Variants in PEX7 observed in about 807,000 individuals in gnomAD.
The protein encoded by PEX7 is PTS2 receptor.
Under a neutral mutation model 47.5 loss-of-function variants are expected in PEX7, and 34 were observed. The ratio of observed to expected loss-of-function variants is 0.72; its 90% CI spans 0.54 to 0.95. PEX7 has a LOEUF of 0.95. Among genes scored for constraint, PEX7 ranks in the 40% least tolerant of loss-of-function variants. The pLI, the probability that PEX7 is intolerant of heterozygous loss-of-function variation, is 0.00. For missense variants in PEX7, 394 were observed against 400.3 expected, an observed-to-expected ratio of 0.98 and a Z score of 0.13; for synonymous variants, 141 against 148.8, an observed-to-expected ratio of 0.95 and a Z score of 0.38.
intron 5 of PEX7, among the ~76,000 whole-genome samples, chr6:136,854,512 T>C (rs562096218): frequency 6.6e-5 from 10 of 152,282 alleles, no homozygotes; most frequent in African/African-American, 2.4e-4. Context: ...GTATAAATGG[T>C]AATGAGTTTT....
intron 3 of PEX7, among the ~76,000 whole-genome samples, chr6:136,843,841 A>G (rs1180311515): frequency 6.6e-6 from 1 of 152,048 alleles, no homozygotes; most frequent in African/African-American, 2.4e-5. Flanking sequence ...TTGCGTGAAT[A>G]TGGGCAGAGG....
chr6:136,902,236 A>G (rs1002613990), intron 9 of PEX7, among the ~76,000 whole-genome samples: 3 of 152,110 alleles, frequency 2.0e-5, no homozygotes, highest in African/African-American at 7.2e-5. Flanking sequence ...ATCTGCTTTC[A>G]TATACCTATT....
At chr6:136,842,511 A>G (rs1774519898) in intron 3 of PEX7, among the ~76,000 whole-genome samples, 1 of 152,196 alleles carries the variant, frequency 6.6e-6, no homozygotes, top group African/African-American at 2.4e-5. Flanking sequence ...TTAGAAGGTG[A>G]GTAGTCATAA....
intron 8 of PEX7, among the ~76,000 whole-genome samples, chr6:136,897,084 C>T (rs1775665062): frequency 6.6e-6 from 1 of 152,192 alleles, no homozygotes; most frequent in Non-Finnish European, 1.5e-5. Context: ...GCTATTTACT[C>T]ATTGTTTCTT....
At chr6:136,856,291 T>TAAAAA (rs397759780) in intron 5 of PEX7, among the ~76,000 whole-genome samples, 16 of 70,580 alleles carry the variant, frequency 2.3e-4, no homozygotes, top group African/African-American at 4.7e-4. Flanking sequence ...TGGTTGAAAG[T>TAAAAA]AAAAAAAAAA....
At chr6:136,907,911 A>T (rs984380804) in intron 9 of PEX7, among the ~76,000 whole-genome samples, 29 of 152,268 alleles carry the variant, frequency 1.9e-4, no homozygotes, top group African/African-American at 6.3e-4. Flanking sequence ...ATTATTGAAG[A>T]TGTTCTATAA....
rs547165908 is a variant in PEX7, at chr6:136,879,071, G to A, written c.803+6818G>A. On this transcript the variant is annotated intron_variant, in intron 8 of 9. Transcript: ENST00000318471. ...TAACCAGTGAACTTGTTCTACTTTC[G>A]CTTTTTTTTCCCTTTTCCATCAAAT... is the stretch of plus-strand genomic sequence containing the variant. Among the ~76,000 whole-genome samples the A allele has an allele frequency of 2.1e-3, 321 of 151,650 alleles. 3 individuals carry two copies. The highest frequency in any genetic ancestry group is 6.5e-3 in the African/African-American group (270 of 41,302).
At chr6:136,873,701 G>A (rs948535044) in intron 8 of PEX7, among the ~76,000 whole-genome samples, 9 of 152,096 alleles carry the variant, frequency 5.9e-5, no homozygotes, top group African/African-American at 1.7e-4. Flanking sequence ...TTCCTGATAT[G>A]AGTACAAACG....
At chr6:136,892,149 G>A (rs1253291327) in intron 8 of PEX7, among the ~76,000 whole-genome samples, 1 of 152,176 alleles carries the variant, frequency 6.6e-6, no homozygotes, top group East Asian at 1.9e-4. Flanking sequence ...AATTCCCAAA[G>A]TCCTTGCCAT....
At chr6:136,913,310 C>A in intron 9 of PEX7, 148 bp from the exon 10 acceptor site, 1 of 657,280 alleles carries the variant, frequency 1.5e-6, no homozygotes, top group South Asian at 1.7e-5. Flanking sequence ...GACCTTTTAT[C>A]AAAAACGTAG....
At chr6:136,901,760 G>T (rs996092967) in intron 9 of PEX7, among the ~76,000 whole-genome samples, 16 of 152,118 alleles carry the variant, frequency 1.1e-4, no homozygotes, top group African/African-American at 3.9e-4. Flanking sequence ...AACCTGTGTT[G>T]GTATAGTAGG....
intron 2 of PEX7, 41 bp downstream of exon 2, chr6:136,825,312 T>C: frequency 6.8e-7 from 1 of 1,460,776 alleles, no homozygotes; most frequent in South Asian, 1.1e-5. Context: ...ATTGTTGCTA[T>C]TAAAGCCTTA....
At position 136,823,080 on chromosome 6, in the gene PEX7, G is replaced by C. The variant is rs115467569; in HGVS notation, c.130+285G>C. The C allele has an allele frequency of 3.6e-3, 3,539 of 985,404 alleles. 96 individuals carry two copies. The African/African-American group carries it at 0.058, about 16-fold the overall frequency. The allele number at this position is 985,404 out of a possible 1,614,324, so 61.0% of individuals were successfully genotyped here. Reference sequence around the variant, plus strand: ...TGAGACCGCGCTGCCTCCGCCACGTGTCACACGCCCAGGCACACGTCCCCG... The same window carrying C: ...TGAGACCGCGCTGCCTCCGCCACGTCTCACACGCCCAGGCACACGTCCCCG... On this transcript the variant is annotated intron_variant, in intron 1 of 9. Coordinates refer to ENST00000318471, the MANE Select transcript of PEX7 (RefSeq NM_000288.4).
chr6:136,853,133 A>G (rs1363399171), intron 5 of PEX7, among the ~76,000 whole-genome samples: 1 of 152,222 alleles, frequency 6.6e-6, no homozygotes, highest in Non-Finnish European at 1.5e-5. Flanking sequence ...GGTTTTTATA[A>G]ATAGTTTCAT....
At chr6:136,884,043 G>A (rs1229741176) in intron 8 of PEX7, among the ~76,000 whole-genome samples, 22 of 151,988 alleles carry the variant, frequency 1.4e-4, no homozygotes, top group Admixed American at 1.3e-3. Flanking sequence ...TAGGATTATC[G>A]AAGACTTTCT....
In PEX7 at chr6:136,913,460, G is replaced by A; in HGVS notation, c.906G>A (p.Val302=). The change falls in exon 10 of 10, where the codon GTG becomes GTA. Residue 302 remains valine (V), a splice_region_variant and synonymous_variant. Transcript: ENST00000318471. ...LDFSLQSPTQ[V]ADCSWDETIK... is the part of the protein sequence containing the mutation. ...CTTACTTCATTTTTGTTTTCTAGGTGGCTGACTGTTCTTGGGATGAAACAA... is the reference window on the plus strand; with the variant it reads ...CTTACTTCATTTTTGTTTTCTAGGTAGCTGACTGTTCTTGGGATGAAACAA... 1.9e-6 allele frequency: 3 copies of A among 1,609,896 alleles called. No homozygotes were observed. The highest frequency in any genetic ancestry group is 2.5e-6 in the Non-Finnish European group (3 of 1,176,778).
At chr6:136,843,713 A>G (rs962798742) in intron 3 of PEX7, among the ~76,000 whole-genome samples, 5 of 152,214 alleles carry the variant, frequency 3.3e-5, no homozygotes, top group Admixed American at 6.5e-5. Flanking sequence ...TTTTCTATCC[A>G]TAACTAACAG....
intron 8 of PEX7, among the ~76,000 whole-genome samples, chr6:136,873,025 T>C (rs917125903): frequency 6.6e-6 from 1 of 152,176 alleles, no homozygotes; most frequent in African/African-American, 2.4e-5. Flanking sequence ...AGTGTGGTTA[T>C]GTTATTCACT....
intron 5 of PEX7, among the ~76,000 whole-genome samples, chr6:136,863,050 A>G (rs1039904336): frequency 1.4e-4 from 21 of 152,222 alleles, no homozygotes; most frequent in Non-Finnish European, 2.9e-4. Context: ...TGGCTAGACC[A>G]CAGACAGTGA....
Sources: allele counts gnomAD v4.1 joint callset (sites outside exome capture counted in the v4.1 genomes callset), GRCh38; gene constraint gnomAD v4.1.1; transcripts MANE v1.5; gene names NCBI Gene and HGNC (gene_info 2026-07-23, HGNC 2026-07-21).